Variants in LRBA observed in about 807,000 individuals in gnomAD.
The protein encoded by LRBA is lipopolysaccharide-responsive and beige-like anchor protein.
In LRBA, 176 loss-of-function variants were observed where a neutral mutation model predicts 330.0. The ratio of observed to expected loss-of-function variants is 0.53; its 90% CI spans 0.47 to 0.60. The LOEUF (loss-of-function observed/expected upper bound fraction) is 0.60, where lower values mean the gene tolerates loss of function less well. Among genes scored for constraint, LRBA ranks in the 20% least tolerant of loss-of-function variants. The pLI is 0.00. For synonymous variants in LRBA, 1,230 were observed against 1,193.0 expected, an observed-to-expected ratio of 1.03 and a Z score of -0.64; for missense variants, 3,259 against 3,444.8, an observed-to-expected ratio of 0.95 and a Z score of 1.35.
chr4:150,559,823 A>C (rs765910753), intron 40 of LRBA, among the ~76,000 whole-genome samples: 9 of 62,960 alleles, frequency 1.4e-4, no homozygotes, highest in Non-Finnish European at 2.9e-5. Flanking sequence ...ATAATATATA[A>C]TAATATAAAA....
chr4:150,546,244 A>G (rs1765847262), intron 40 of LRBA, among the ~76,000 whole-genome samples: 1 of 152,252 alleles, frequency 6.6e-6, no homozygotes, highest in African/African-American at 2.4e-5. Flanking sequence ...TTTGTGTACA[A>G]CAAACTGCAT....
intron 33 of LRBA, 108 bp from the exon 34 acceptor site, chr4:150,798,250 G>A: frequency 1.4e-6 from 1 of 703,760 alleles, no homozygotes; most frequent in Non-Finnish European, 2.5e-6. Flanking sequence ...ACTATTAATA[G>A]TGCACATTTA....
At chr4:150,636,578 C>T (rs968897042) in intron 37 of LRBA, among the ~76,000 whole-genome samples, 3 of 152,160 alleles carry the variant, frequency 2.0e-5, no homozygotes, top group Non-Finnish European at 4.4e-5. Context: ...GCTTTAGGTG[C>T]ATTCATTGCT....
At chr4:150,266,616 CA>C (rs1158738048) in intron 56 of LRBA, among the ~76,000 whole-genome samples, 1 of 150,944 alleles carries the variant, frequency 6.6e-6, no homozygotes, top group Non-Finnish European at 1.5e-5. Context: ...TGTGTCACTA[CA>C]AAAAAAATCA....
chr4:150,660,549 C>A (rs1435986954), intron 37 of LRBA, among the ~76,000 whole-genome samples: 2 of 150,698 alleles, frequency 1.3e-5, no homozygotes, highest in Non-Finnish European at 3.0e-5. Flanking sequence ...TGCCCAGCCA[C>A]CACCCGGTCT....
At chr4:150,747,639 G>A (rs1200907572) in intron 35 of LRBA, among the ~76,000 whole-genome samples, 1 of 152,112 alleles carries the variant, frequency 6.6e-6, no homozygotes, top group Non-Finnish European at 1.5e-5. Context: ...AGGTTCTTAA[G>A]GTTCTTAAAA....
At chr4:150,556,342 C>G (rs1044324941) in intron 40 of LRBA, among the ~76,000 whole-genome samples, 5 of 152,110 alleles carry the variant, frequency 3.3e-5, no homozygotes, top group Admixed American at 6.6e-5. Flanking sequence ...TAAACAGCAA[C>G]TATGTTTGAA....
At chr4:150,901,367 G>C (rs549577555) in intron 13 of LRBA, among the ~76,000 whole-genome samples, 2 of 152,128 alleles carry the variant, frequency 1.3e-5, no homozygotes, top group East Asian at 1.9e-4. Flanking sequence ...ACTTAAAGCA[G>C]CAAAAATAAC....
chr4:150,976,839 A>G (rs1738294275), intron 2 of LRBA, among the ~76,000 whole-genome samples: 1 of 152,170 alleles, frequency 6.6e-6, no homozygotes, highest in Non-Finnish European at 1.5e-5. Context: ...GGGATCCTGC[A>G]TTGAACAGTG....
intron 2 of LRBA, among the ~76,000 whole-genome samples, chr4:150,948,117 T>C (rs1014627003): frequency 1.3e-5 from 2 of 152,008 alleles, no homozygotes; most frequent in African/African-American, 2.4e-5. Flanking sequence ...TTTGCAGATA[T>C]AGAAAAGATT....
chr4:150,535,929 C>T (rs2152212223), intron 40 of LRBA, among the ~76,000 whole-genome samples: 1 of 152,164 alleles, frequency 6.6e-6, no homozygotes, highest in African/African-American at 2.4e-5. Flanking sequence ...CTCATATGTT[C>T]CAATATGAGG....
intron 37 of LRBA, among the ~76,000 whole-genome samples, chr4:150,635,441 A>G (rs1777796802): frequency 1.3e-5 from 2 of 152,120 alleles, no homozygotes; most frequent in Non-Finnish European, 2.9e-5. Context: ...CCATACCACT[A>G]TCATTATTCT....
At chr4:150,495,228 T>C (rs771346723) in intron 40 of LRBA, among the ~76,000 whole-genome samples, 2 of 152,162 alleles carry the variant, frequency 1.3e-5, no homozygotes, top group East Asian at 1.9e-4. Context: ...TATATGTAAG[T>C]TTTTATATTA....
intron 26 of LRBA, 105 bp downstream of exon 26, chr4:150,848,713 T>A: frequency 1.1e-6 from 1 of 870,820 alleles, no homozygotes; most frequent in Non-Finnish European, 1.8e-6. Flanking sequence ...ACAAATTAGC[T>A]AACATATATT....
At chr4:150,831,615 T>C (rs568383488) in intron 29 of LRBA, among the ~76,000 whole-genome samples, 1 of 152,326 alleles carries the variant, frequency 6.6e-6, no homozygotes, top group East Asian at 1.9e-4. Flanking sequence ...AATTAGTTCA[T>C]TTAAAGAACA....
intron 40 of LRBA, among the ~76,000 whole-genome samples, chr4:150,522,989 G>A (rs1203695551): frequency 2.0e-5 from 3 of 152,132 alleles, no homozygotes; most frequent in Non-Finnish European, 4.4e-5. Flanking sequence ...TCCCACAGTT[G>A]TATTTTGAAG....
At chr4:150,444,392 T>A (rs768887899) in intron 44 of LRBA, among the ~76,000 whole-genome samples, 1 of 152,130 alleles carries the variant, frequency 6.6e-6, no homozygotes, top group African/African-American at 2.4e-5. Flanking sequence ...AAATAAATAG[T>A]GTCTGTCATT....
At chr4:150,318,266 T>C (rs549574574) in intron 50 of LRBA, among the ~76,000 whole-genome samples, 1 of 152,244 alleles carries the variant, frequency 6.6e-6, no homozygotes, top group South Asian at 2.1e-4. Context: ...AAATGCTCTA[T>C]AAACATTTGC....
At chr4:150,581,528 A>G (rs1482314612) in intron 40 of LRBA, 1 of 228,628 alleles carries the variant, frequency 4.4e-6, no homozygotes, top group Non-Finnish European at 8.9e-6. Context: ...CTACTACACA[A>G]TGTTGATAGA....
Sources: gnomAD v4.1 joint callset for allele counts (sites outside exome capture counted in the v4.1 genomes callset) on GRCh38, gnomAD v4.1.1 for gene constraint, MANE v1.5 for transcripts, NCBI Gene and HGNC (gene_info 2026-07-23, HGNC 2026-07-21) for gene names.